ANGPTL2: variants seen among roughly 807,000 people sequenced by gnomAD.
ANGPTL2 encodes angiopoietin-related protein 2.
Under a neutral mutation model 52.8 loss-of-function variants are expected in ANGPTL2, and 25 were observed. The ratio of observed to expected loss-of-function variants is 0.47; its 90% CI spans 0.35 to 0.66. The LOEUF (loss-of-function observed/expected upper bound fraction) is 0.66, where lower values mean the gene tolerates loss of function less well. Among genes scored for constraint, ANGPTL2 ranks in the 30% least tolerant of loss-of-function variants. The pLI is 0.01. For synonymous variants in ANGPTL2, 276 were observed against 277.4 expected (o/e 1.00, Z 0.05); for missense variants, 546 against 656.9 (o/e 0.83, Z 1.84).
At chr9:127,089,243 G>T in intron 4 of ANGPTL2, 105 bp from the exon 5 acceptor site, 1 of 1,235,818 alleles carries the variant, frequency 8.1e-7, no homozygotes, top group Non-Finnish European at 1.2e-6. Flanking sequence ...GGCATCTGGA[G>T]CAAGAACGCT....
chr9:127,096,078 T>G (rs954015525), intron 2 of ANGPTL2, among the ~76,000 whole-genome samples: 1 of 152,136 alleles, frequency 6.6e-6, no homozygotes, highest in African/African-American at 2.4e-5. Context: ...GACCCAATGC[T>G]CCCCACCCCA....
intron 1 of ANGPTL2, among the ~76,000 whole-genome samples, chr9:127,119,929 C>G (rs933192127): frequency 2.0e-5 from 3 of 152,228 alleles, no homozygotes; most frequent in African/African-American, 7.2e-5. Flanking sequence ...TCAGTAGCCC[C>G]AGAGGCCTTG....
chr9:127,108,887 C>A, intron 1 of ANGPTL2, 107 bp from the exon 2 acceptor site: 1 of 819,144 alleles, frequency 1.2e-6, no homozygotes, highest in Non-Finnish European at 1.8e-6. Context: ...TTTCCAAAAA[C>A]TCTGCTTCAG....
At chr9:127,089,762 C>T (rs1444751562) in intron 4 of ANGPTL2, among the ~76,000 whole-genome samples, 4 of 152,216 alleles carry the variant, frequency 2.6e-5, no homozygotes, top group African/African-American at 9.7e-5. Flanking sequence ...ATTTTGCTGC[C>T]AAGGACAAGC....
At chr9:127,120,146 C>T (rs34521337) in intron 1 of ANGPTL2, among the ~76,000 whole-genome samples, 12,033 of 152,226 alleles carry the variant, frequency 0.079, 652 homozygotes, top group Middle Eastern at 0.13. Flanking sequence ...TCTGCAACTC[C>T]GGGGCAAACC....
chr9:127,088,907 A>T lies in ANGPTL2; in HGVS notation c.*32T>A. On this transcript the variant is annotated 3_prime_UTR_variant, in exon 5 of 5. Coordinates refer to ENST00000373425, the MANE Select transcript of ANGPTL2 (RefSeq NM_012098.3). ...GCGTGACCAGGGTGGGCTCCTGGCAATGGCCACGAGAGGTCAGGAGGGGGA... is the reference window on the plus strand; with the variant it reads ...GCGTGACCAGGGTGGGCTCCTGGCATTGGCCACGAGAGGTCAGGAGGGGGA... 6.2e-7 allele frequency: 1 copy of T among 1,613,792 alleles called. No individual in the cohort carries two copies.
In ANGPTL2 at chr9:127,091,641, G is replaced by A; in HGVS notation, c.1282+29C>T. 1 of 1,604,294 alleles carries A rather than the reference G, an allele frequency of 6.2e-7. No homozygotes were observed. Among genetic ancestry groups the A allele is most frequent in the Non-Finnish European group, 8.5e-7 (1 of 1,174,070 alleles). On this transcript the variant is annotated intron_variant, in intron 4 of 4. Coordinates refer to ENST00000373425, the MANE Select transcript of ANGPTL2 (RefSeq NM_012098.3). This position sits in a 1 kb window ranked among gnomAD's most constrained non-coding sequence, Gnocchi z 4.3. ...CTGGTTGACCTCTTTTCCCTACCCT[G>A]CACCTGGGTTTGACTCCACTTTTCC...
At chr9:127,095,505 A>T (rs191868935) in intron 2 of ANGPTL2, among the ~76,000 whole-genome samples, 166 of 152,362 alleles carry the variant, frequency 1.1e-3, no homozygotes, top group Admixed American at 2.2e-3. Context: ...TGTTTATTCA[A>T]CAACTGTGTA....
At position 127,089,125 on chromosome 9, in the gene ANGPTL2, G is replaced by C; in HGVS notation, c.1296C>G (p.His432Gln). 1 of 1,614,246 alleles carries C rather than the reference G, an allele frequency of 6.2e-7. No homozygotes were observed. Among genetic ancestry groups the C allele is most frequent in the Non-Finnish European group, 8.5e-7 (1 of 1,180,048 alleles). The change falls in exon 5 of 5, where the codon CAC (histidine) becomes CAG (glutamine). Residue 432 changes from histidine to glutamine, a missense_variant. Coordinates refer to ENST00000373425, the MANE Select transcript of ANGPTL2 (RefSeq NM_012098.3). ...DHDVYTGNCA[H>Q]YQKGGWWYNA... ...TATACCACCAGCCTCCCTTCTGGTA[G>C]TGGGCACAGTTTCCTGCAAGAGAGA...
chr9:127,101,455 T>C (rs2053717869), intron 2 of ANGPTL2, among the ~76,000 whole-genome samples: 1 of 152,218 alleles, frequency 6.6e-6, no homozygotes, highest in African/African-American at 2.4e-5. Context: ...CCCTCAATGC[T>C]CTGTGTGCCT....
intron 2 of ANGPTL2, among the ~76,000 whole-genome samples, chr9:127,102,827 G>A (rs930977830): frequency 6.6e-6 from 1 of 152,216 alleles, no homozygotes; most frequent in Non-Finnish European, 1.5e-5. Context: ...GGATTATGTA[G>A]TTTGTACTGA....
rs140507856 is a variant in ANGPTL2, at chr9:127,091,828, C to T, written c.1124G>A (p.Arg375His). The T allele has an allele frequency of 4.0e-4, 642 of 1,614,188 alleles. 1 individual carries two copies. The highest frequency in any genetic ancestry group is 4.9e-4 in the Non-Finnish European group (583 of 1,180,030). Residue 375 changes from arginine to histidine, a missense_variant, in exon 4 of 5, where the codon CGC (arginine) becomes CAC (histidine). By Grantham distance (29) the Arg-to-His change is conservative. This residue lies in a region of ANGPTL2 where 261 missense variants were observed against 361.0 expected (regional missense o/e 0.72). Coordinates refer to ENST00000373425, the MANE Select transcript of ANGPTL2 (RefSeq NM_012098.3). This position sits in a 1 kb window ranked among gnomAD's most constrained non-coding sequence, Gnocchi z 4.3. ...LLVTMEDWSG[R>H]KVFAEYASFR... The stretch of plus-strand genomic sequence containing the variant: ...ACTGGCGTATTCTGCAAAGACTTTG[C>T]GGCCGGACCAGTCCTCCATGGTCAC...
Position 127,093,811 on chromosome 9 carries a change from G to A in ANGPTL2, c.933C>T (p.His311=), listed in dbSNP as rs145699646. Residue 311 remains histidine, a synonymous_variant, in exon 3 of 5, where the codon CAC becomes CAT. Coordinates refer to ENST00000373425, the MANE Select transcript of ANGPTL2 (RefSeq NM_012098.3). ...GGATGACGGTCCAGCCCCCGGGGTC[G>A]TGTCTCTGGTCGCACCACACCTGCA... ...RLMQVWCDQR[H]DPGGWTVIQR... The A allele has an allele frequency of 3.6e-4, 586 of 1,613,986 alleles. No individual in the cohort carries two copies. In the African/African-American group the frequency reaches 6.5e-3, roughly 18 times the overall value.
At chr9:127,113,331 A>C (rs10987562) in intron 1 of ANGPTL2, among the ~76,000 whole-genome samples, 12,452 of 152,080 alleles carry the variant, frequency 0.082, 1,681 homozygotes, top group African/African-American at 0.28. Context: ...CTTCTCTTTG[A>C]GCCTCAGAGT....
At chr9:127,102,155 A>G (rs2053796591) in intron 2 of ANGPTL2, among the ~76,000 whole-genome samples, 1 of 152,212 alleles carries the variant, frequency 6.6e-6, no homozygotes, top group Non-Finnish European at 1.5e-5. Context: ...CACTGGAAGT[A>G]TATACTTCAT....
At chr9:127,110,397 C>T (rs1048229008) in intron 1 of ANGPTL2, among the ~76,000 whole-genome samples, 1 of 152,196 alleles carries the variant, frequency 6.6e-6, no homozygotes, top group Admixed American at 6.5e-5. Flanking sequence ...GCTGGTTCAT[C>T]CTCATATTCC....
intron 1 of ANGPTL2, among the ~76,000 whole-genome samples, chr9:127,120,989 C>T (rs2056013085): frequency 6.6e-6 from 1 of 151,552 alleles, no homozygotes; most frequent in African/African-American, 2.4e-5. Flanking sequence ...TAGCTTTCTC[C>T]TAGAAAGCAG....
Position 127,119,805 on chromosome 9 carries a change from C to T in ANGPTL2, c.-50+2510G>A, listed in dbSNP as rs143685299. 2.6e-5 allele frequency among the ~76,000 whole-genome samples: 4 copies of T among 152,228 alleles called. No homozygotes were observed. The East Asian group carries it at 7.7e-4, about 29-fold the overall frequency. ...GACTGCCTCATTAGTAGTAAGTAGT[C>T]CCATTTTTTTTGCCAAGCTCATGAA... is the stretch of plus-strand genomic sequence containing the variant. On this transcript the variant is annotated intron_variant, in intron 1 of 4. Transcript: ENST00000373425.
intron 2 of ANGPTL2, among the ~76,000 whole-genome samples, chr9:127,104,567 G>A (rs767854220): frequency 6.6e-6 from 1 of 152,232 alleles, no homozygotes; most frequent in Non-Finnish European, 1.5e-5. Context: ...ACAAAGCCCA[G>A]GTGAGGAGCC....
Sources: allele counts gnomAD v4.1 joint callset (sites outside exome capture counted in the v4.1 genomes callset), GRCh38; gene constraint gnomAD v4.1.1; regional missense constraint gnomAD v4.1.1; non-coding constraint Gnocchi (gnomAD v3.1); transcripts MANE v1.5; gene names NCBI Gene and HGNC (gene_info 2026-07-23, HGNC 2026-07-21).